Variants in TOGARAM2 observed in about 807,000 individuals in gnomAD.
The protein encoded by TOGARAM2 is TOG array regulator of axonemal microtubules protein 2.
In TOGARAM2, 85 loss-of-function variants were observed where a neutral mutation model predicts 93.3. That is an observed-to-expected ratio of 0.91 (90% CI 0.76 to 1.09). TOGARAM2 has a LOEUF of 1.09. Among genes scored for constraint, TOGARAM2 ranks in the 50% least tolerant of loss-of-function variants. TOGARAM2 has a pLI of 0.00. For missense variants in TOGARAM2, 1,277 were observed against 1,334.5 expected (o/e 0.96, Z 0.67); for synonymous variants, 593 against 552.8 (o/e 1.07, Z -1.02).
intron 13 of TOGARAM2, 24 bp downstream of exon 13, chr2:29,024,398 G>T: frequency 6.3e-7 from 1 of 1,582,786 alleles, no homozygotes. Flanking sequence ...TGTTGTCTGA[G>T]GGGCGGGGAA....
At chr2:29,003,374 C>A in intron 5 of TOGARAM2, 118 bp from the exon 6 acceptor site, 1 of 835,580 alleles carries the variant, frequency 1.2e-6, no homozygotes, top group Non-Finnish European at 1.7e-6. Context: ...TCTGGGGGTC[C>A]CAGGGTGGTG....
At chr2:28,967,262 C>T (rs1182630053) in intron 1 of TOGARAM2, among the ~76,000 whole-genome samples, 2 of 152,040 alleles carry the variant, frequency 1.3e-5, no homozygotes, top group Admixed American at 1.3e-4. Flanking sequence ...ATTTCTTGAG[C>T]CCAGGAGTTT....
chr2:28,985,064 A>G (rs1428607040), intron 1 of TOGARAM2, among the ~76,000 whole-genome samples: 1 of 152,218 alleles, frequency 6.6e-6, no homozygotes, highest in African/African-American at 2.4e-5. Context: ...TGCAAATGTT[A>G]AAGCCTAACC....
intron 14 of TOGARAM2, among the ~76,000 whole-genome samples, chr2:29,028,399 G>A (rs1175202848): frequency 6.6e-6 from 1 of 152,198 alleles, no homozygotes; most frequent in Non-Finnish European, 1.5e-5. Context: ...GAGCAGGACC[G>A]TGGGTCAGAT....
rs774467751 is a variant in TOGARAM2, at chr2:29,002,702, G to C, written c.594G>C (p.Pro198=). 1.2e-6 allele frequency: 2 copies of C among 1,613,928 alleles called. No homozygotes were observed. Among genetic ancestry groups the C allele is most frequent in the Admixed American group, 3.3e-5 (2 of 60,018 alleles). The change falls in exon 5 of 20, where the codon CCG becomes CCC. Residue 198 remains proline (P), a synonymous_variant. Coordinates refer to ENST00000379558, the MANE Select transcript of TOGARAM2 (RefSeq NM_199280.4). The part of the protein sequence containing the change: ...SGVKEKGLDL[P]GSIPGPHELR... ...TCAAAGAGAAGGGCCTGGACCTACCGGGGAGCATTCCGGGTCCTCACGAGT... is the reference window on the plus strand; with the variant it reads ...TCAAAGAGAAGGGCCTGGACCTACCCGGGAGCATTCCGGGTCCTCACGAGT...
rs754492191 is a variant in TOGARAM2, at chr2:28,999,394, C to T, written c.353C>T (p.Ala118Val). The T allele has an allele frequency of 1.9e-6, 3 of 1,613,342 alleles. No homozygotes were observed. The highest frequency in any genetic ancestry group is 2.2e-5 in the South Asian group (2 of 90,850). Reference protein sequence around the residue: ...PSPESEANSVARDTIQIKDKL... With the variant: ...PSPESEANSVVRDTIQIKDKL... ...CCGGAGTCAGAGGCCAACAGCGTGG[C>T]CAGGGACACCATCCAGATTAAGGAC... The change falls in exon 4 of 20, where the codon GCC (alanine) becomes GTC (valine). Residue 118 changes from alanine (A) to valine (V), a missense_variant. Ala to Val is a moderately conservative substitution (Grantham distance 64, BLOSUM62 0). Coordinates refer to ENST00000379558, the MANE Select transcript of TOGARAM2 (RefSeq NM_199280.4).
chr2:29,016,723 A>G (rs1437817860), intron 8 of TOGARAM2, among the ~76,000 whole-genome samples: 1 of 152,066 alleles, frequency 6.6e-6, no homozygotes, highest in Non-Finnish European at 1.5e-5. Context: ...TCTCTGACTC[A>G]GAGAGTTCAG....
chr2:29,000,804 G>A (rs551810297), intron 4 of TOGARAM2, among the ~76,000 whole-genome samples: 13 of 152,264 alleles, frequency 8.5e-5, no homozygotes, highest in East Asian at 3.9e-4. Flanking sequence ...GGGAGGAATT[G>A]TCCTGGCTGC....
intron 6 of TOGARAM2, among the ~76,000 whole-genome samples, chr2:29,011,224 G>C (rs2148321856): frequency 6.6e-6 from 1 of 152,376 alleles, no homozygotes; most frequent in Non-Finnish European, 1.5e-5. Flanking sequence ...TGCACTGCCA[G>C]GAAATGGGGC....
intron 10 of TOGARAM2, among the ~76,000 whole-genome samples, chr2:29,019,282 G>A (rs1027535733): frequency 2.0e-5 from 3 of 150,198 alleles, no homozygotes; most frequent in South Asian, 2.1e-4. Flanking sequence ...CTGGGTTCAA[G>A]TGATCTTGCC....
chr2:29,023,035 G>A, intron 11 of TOGARAM2, 51 bp from the exon 12 acceptor site: 1 of 1,503,860 alleles, frequency 6.6e-7, no homozygotes, highest in Non-Finnish European at 9.1e-7. Context: ...CAGAGGGGTG[G>A]GGCTCCTCCC....
chr2:29,027,211 G>T (rs1319244269), intron 14 of TOGARAM2, among the ~76,000 whole-genome samples, 200 bp downstream of exon 14: 2 of 152,196 alleles, frequency 1.3e-5, no homozygotes, highest in Non-Finnish European at 2.9e-5. Context: ...CTTACTCCCT[G>T]CCTCCACTTT....
chr2:28,959,318 A>G (rs2148211506), intron 1 of TOGARAM2, among the ~76,000 whole-genome samples: 1 of 152,316 alleles, frequency 6.6e-6, no homozygotes, highest in Admixed American at 6.5e-5. Flanking sequence ...ATCATACACC[A>G]ACTGCATCAA....
chr2:29,008,604 GCA>G (rs1664030205), intron 6 of TOGARAM2, among the ~76,000 whole-genome samples: 2 of 152,084 alleles, frequency 1.3e-5, no homozygotes, highest in Non-Finnish European at 2.9e-5. Flanking sequence ...TTACAGACAT[GCA>G]CCACCAGGCC....
At chr2:29,010,191 G>A (rs1558429557) in intron 6 of TOGARAM2, among the ~76,000 whole-genome samples, 1 of 152,130 alleles carries the variant, frequency 6.6e-6, no homozygotes, top group Non-Finnish European at 1.5e-5. Context: ...GAAGCCAAGG[G>A]CAACTGTGTG....
intron 6 of TOGARAM2, among the ~76,000 whole-genome samples, chr2:29,008,466 T>C (rs999476944): frequency 6.7e-6 from 1 of 149,788 alleles, no homozygotes; most frequent in Non-Finnish European, 1.5e-5. Context: ...AAAATATATA[T>C]ATTTTTTTGA....
At chr2:28,976,574 T>C (rs1331722185), upstream of TOGARAM2, among the ~76,000 whole-genome samples, 6 of 152,002 alleles carry the variant, frequency 3.9e-5, no homozygotes, top group Admixed American at 3.9e-4. Context: ...GCACACCCCA[T>C]GTGAGATGAG....
chr2:29,025,882 G>C (rs557495619), intron 13 of TOGARAM2, among the ~76,000 whole-genome samples: 2 of 152,198 alleles, frequency 1.3e-5, no homozygotes, highest in Middle Eastern at 3.2e-3. Context: ...CAAGCACCAG[G>C]GATGTGTCAG....
chr2:28,994,775 A>G lies in TOGARAM2; in HGVS notation c.-60A>G. On this transcript the variant is annotated 5_prime_UTR_variant, in exon 2 of 20. Coordinates refer to ENST00000379558, the MANE Select transcript of TOGARAM2 (RefSeq NM_199280.4). Reference sequence around the variant, plus strand: ...CTCCAGACCCCCAAGGACTGTACTCACTGCCCAGAAATAGCTGCTGCCTCT... The same window carrying G: ...CTCCAGACCCCCAAGGACTGTACTCGCTGCCCAGAAATAGCTGCTGCCTCT... 3 of 1,541,648 alleles carry G rather than the reference A, an allele frequency of 1.9e-6. No individual in the cohort carries two copies. Among genetic ancestry groups the G allele is most frequent in the Non-Finnish European group, 2.6e-6 (3 of 1,138,016 alleles).
Sources: gnomAD v4.1 joint callset for allele counts (sites outside exome capture counted in the v4.1 genomes callset) on GRCh38, gnomAD v4.1.1 for gene constraint, MANE v1.5 for transcripts, NCBI Gene and HGNC (gene_info 2026-07-23, HGNC 2026-07-21) for gene names.